The following IL18R1 variants were observed in gnomAD, a reference collection of about 807,000 sequenced individuals.
The protein encoded by IL18R1 is interleukin 18 receptor 1.
A neutral mutation model predicts 48.5 loss-of-function variants in IL18R1; 40 were observed. The ratio of observed to expected loss-of-function variants is 0.82; its 90% CI spans 0.64 to 1.07. The LOEUF (loss-of-function observed/expected upper bound fraction) is 1.07. IL18R1 is among the 50% of genes least tolerant of loss of function. The pLI is 0.00. For synonymous variants in IL18R1, 232 were observed against 225.9 expected, an observed-to-expected ratio of 1.03 and a Z score of -0.24; for missense variants, 596 against 633.7, an observed-to-expected ratio of 0.94 and a Z score of 0.64.
intron 3 of IL18R1, among the ~76,000 whole-genome samples, chr2:102,371,065 TG>T (rs962482419): frequency 1.6e-4 from 25 of 151,784 alleles, no homozygotes; most frequent in African/African-American, 5.6e-4. Flanking sequence ...TTGTTGTTGT[TG>T]TTTTTTTGAG....
At chr2:102,392,808 A>C (rs1350205928) in intron 9 of IL18R1, among the ~76,000 whole-genome samples, 1 of 151,542 alleles carries the variant, frequency 6.6e-6, no homozygotes, top group East Asian at 1.9e-4. Context: ...TTCCTTTATA[A>C]TTTTCCTTTA....
intron 9 of IL18R1, among the ~76,000 whole-genome samples, chr2:102,392,875 ATACTT>A: frequency 1.3e-5 from 2 of 152,250 alleles, no homozygotes; most frequent in African/African-American, 4.8e-5. Context: ...CTTTTTTTGA[ATACTT>A]TACTCTGTCA....
At chr2:102,382,839 A>AT (rs1175032192) in intron 6 of IL18R1, among the ~76,000 whole-genome samples, 3 of 151,752 alleles carry the variant, frequency 2.0e-5, no homozygotes, top group African/African-American at 7.3e-5. Flanking sequence ...TGTCTTTCTT[A>AT]TTTTTTTCTT....
intron 4 of IL18R1, among the ~76,000 whole-genome samples, chr2:102,375,024 T>A (rs1016182780): frequency 1.3e-5 from 2 of 152,204 alleles, no homozygotes; most frequent in African/African-American, 4.8e-5. Context: ...GACTTATACA[T>A]AAATAATTTA....
intron 6 of IL18R1, 39 bp downstream of exon 6, chr2:102,381,721 G>T: frequency 7.2e-7 from 1 of 1,379,414 alleles, no homozygotes; most frequent in South Asian, 1.2e-5. Context: ...TTTATAAGTA[G>T]GGGACATAAT....
Position 102,397,191 on chromosome 2 carries a change from C to T in IL18R1, c.*305C>T, listed in dbSNP as rs1680869929. ...CATATTCAGCAAGTGTGAAGCTGGACGTGATGCAAAATAACCGATGCCCTA... is the reference window on the plus strand; with the variant it reads ...CATATTCAGCAAGTGTGAAGCTGGATGTGATGCAAAATAACCGATGCCCTA... On this transcript the variant is annotated 3_prime_UTR_variant, in exon 11 of 11. Coordinates refer to ENST00000233957, the MANE Select transcript of IL18R1 (RefSeq NM_003855.5). 3 of 268,138 alleles carry T rather than the reference C, an allele frequency of 1.1e-5. No homozygotes were observed. Among genetic ancestry groups the T allele is most frequent in the Non-Finnish European group, 2.1e-5 (3 of 144,122 alleles). 16.6% of individuals were successfully genotyped at this position (268,138 alleles called of 1,614,324 possible).
At chr2:102,394,750 G>T in intron 10 of IL18R1, 123 bp downstream of exon 10, 2 of 701,630 alleles carry the variant, frequency 2.9e-6, no homozygotes, top group Non-Finnish European at 2.2e-6. Context: ...CTTTAAGCAA[G>T]AAATAACCAC....
intron 6 of IL18R1, among the ~76,000 whole-genome samples, chr2:102,382,697 C>A (rs1328534058): frequency 6.6e-6 from 1 of 152,120 alleles, no homozygotes; most frequent in African/African-American, 2.4e-5. Context: ...GACTTTGCTT[C>A]CAAAGTCCCC....
intron 2 of IL18R1, among the ~76,000 whole-genome samples, chr2:102,366,095 G>T (rs1207063597): frequency 6.6e-6 from 1 of 152,104 alleles, no homozygotes; most frequent in African/African-American, 2.4e-5. Flanking sequence ...GCAAATTTCT[G>T]CAACCAGCTT....
chr2:102,379,215 G>T (rs113826823), intron 5 of IL18R1, among the ~76,000 whole-genome samples: 1 of 152,122 alleles, frequency 6.6e-6, no homozygotes, highest in Non-Finnish European at 1.5e-5. Context: ...AGGCCGAGGC[G>T]GATGGATCAC....
chr2:102,366,115 G>T (rs1678880004), intron 2 of IL18R1, among the ~76,000 whole-genome samples: 1 of 152,014 alleles, frequency 6.6e-6, no homozygotes, highest in South Asian at 2.1e-4. Flanking sequence ...TTAATTCCAT[G>T]CCCCCCATTC....
chr2:102,369,834 A>G (rs922327093), intron 3 of IL18R1, among the ~76,000 whole-genome samples: 3 of 152,252 alleles, frequency 2.0e-5, no homozygotes, highest in Non-Finnish European at 4.4e-5. Context: ...CTGATAATTT[A>G]ATCCTGCAGT....
chr2:102,384,139 G>C (rs912368335), intron 6 of IL18R1, among the ~76,000 whole-genome samples: 1 of 152,200 alleles, frequency 6.6e-6, no homozygotes, highest in African/African-American at 2.4e-5. Flanking sequence ...TGGGATGTAG[G>C]TATGTTCACT....
chr2:102,388,022 CAGAG>C (rs746478564), intron 8 of IL18R1, among the ~76,000 whole-genome samples: 1 of 152,002 alleles, frequency 6.6e-6, no homozygotes, highest in African/African-American at 2.4e-5. Context: ...GTGAAACAGA[CAGAG>C]AGACAGAGTA....
In IL18R1 at chr2:102,371,807, G is replaced by A. The variant is rs149717271; in HGVS notation, c.303-146G>A. ...TTCTTGCTCTTCTGAATCAAGCGGA[G>A]GCAGAGCAGGGTTTGCACATCAATG... is the stretch of plus-strand genomic sequence containing the variant. On this transcript the variant is annotated intron_variant, in intron 3 of 10. Transcript: ENST00000233957. The A allele has an allele frequency of 6.7e-3, 3,827 of 573,684 alleles. 22 individuals carry two copies. The highest frequency in any genetic ancestry group is 9.7e-3 in the Non-Finnish European group (3,148 of 323,476). The allele number at this position is 573,684 out of a possible 1,614,324, so 35.5% of individuals were successfully genotyped here.
rs1680263840 is a variant in IL18R1, at chr2:102,386,914, G to C, written c.863G>C (p.Gly288Ala). The C allele has an allele frequency of 2.5e-6, 4 of 1,614,074 alleles. No homozygotes were observed. Among genetic ancestry groups the C allele is most frequent in the Non-Finnish European group, 3.4e-6 (4 of 1,179,920 alleles). ...AAAGTATTGAGAATTGAAAATATTGGTGAAAGCAATCTAAATGTTTTATAT... is the reference window on the plus strand; with the variant it reads ...AAAGTATTGAGAATTGAAAATATTGCTGAAAGCAATCTAAATGTTTTATAT... The part of the protein sequence containing the change: ...ASKVLRIENI[G>A]ESNLNVLYNC... The change falls in exon 8 of 11, where the codon GGT becomes GCT. Residue 288 changes from glycine (G) to alanine (A), a missense_variant. Around this residue, in one of 3 missense-constraint regions of IL18R1, gnomAD observed 360 missense variants for 339.4 expected, o/e 1.06. Transcript: ENST00000233957.
At chr2:102,373,972 G>T (rs1313306337) in intron 4 of IL18R1, 4 of 445,814 alleles carry the variant, frequency 9.0e-6, no homozygotes, top group Non-Finnish European at 1.8e-5. Flanking sequence ...CAAGCTCAGG[G>T]CTCCACTGAT....
At chr2:102,382,485 G>A (rs948516235) in intron 6 of IL18R1, among the ~76,000 whole-genome samples, 6 of 152,122 alleles carry the variant, frequency 3.9e-5, no homozygotes, top group Non-Finnish European at 5.9e-5. Flanking sequence ...AGAAAGGAAA[G>A]AAAGAAAGGA....
chr2:102,362,443 C>A (rs1678631274), intron 1 of IL18R1, among the ~76,000 whole-genome samples, 190 bp from the exon 2 acceptor site: 1 of 152,180 alleles, frequency 6.6e-6, no homozygotes, highest in Non-Finnish European at 1.5e-5. Context: ...AGAAAAACTT[C>A]ATTGCCTTGA....
Sources: gnomAD v4.1 joint callset for allele counts (sites outside exome capture counted in the v4.1 genomes callset) on GRCh38, gnomAD v4.1.1 for gene constraint, gnomAD v4.1.1 regional missense constraint, MANE v1.5 for transcripts, NCBI Gene and HGNC (gene_info 2026-07-23, HGNC 2026-07-21) for gene names.